The following DMC1 variants were observed in gnomAD, a reference collection of about 807,000 sequenced individuals.
The protein encoded by DMC1 is DNA meiotic recombinase 1.
A neutral mutation model predicts 50.1 loss-of-function variants in DMC1; 27 were observed. That is an observed-to-expected ratio of 0.54 (90% CI 0.40 to 0.74). The LOEUF (loss-of-function observed/expected upper bound fraction) is 0.74. DMC1 is among the 30% of genes least tolerant of loss of function. The pLI is 0.00. For missense variants in DMC1, 295 were observed against 420.2 expected (o/e 0.70, Z 2.60); for synonymous variants, 148 against 136.1 (o/e 1.09, Z -0.61).
At chr22:38,513,680 C>T in the DMC1 span, among the ~76,000 whole-genome samples, 1 of 152,276 alleles carries the variant, frequency 6.6e-6, no homozygotes, top group East Asian at 1.9e-4. Context: ...CCGGTTCAAG[C>T]GATTTTCTTG....
chr22:38,557,058 C>T (rs2090475379), intron 5 of DMC1, among the ~76,000 whole-genome samples: 1 of 152,160 alleles, frequency 6.6e-6, no homozygotes. Context: ...TTCAGGGGTA[C>T]ATGTGCCAGA....
At chr22:38,562,190 A>G in intron 5 of DMC1, 97 bp downstream of exon 5, 1 of 807,474 alleles carries the variant, frequency 1.2e-6, no homozygotes, top group East Asian at 2.5e-5. Flanking sequence ...TGAAGAAGCT[A>G]CTTCTACTAC....
At chr22:38,537,789 T>A in intron 11 of DMC1, 137 bp from the exon 12 acceptor site, 2 of 668,010 alleles carry the variant, frequency 3.0e-6, no homozygotes, top group East Asian at 2.8e-5. Context: ...CTATTTTTCA[T>A]TGACAACAGA....
chr22:38,529,033 G>A (rs1348251037), intron 12 of DMC1, among the ~76,000 whole-genome samples: 3 of 149,892 alleles, frequency 2.0e-5, no homozygotes, highest in Non-Finnish European at 3.0e-5. Flanking sequence ...TTTTTTTGAC[G>A]GAGTTTCGCT....
the DMC1 span, among the ~76,000 whole-genome samples, chr22:38,513,614 G>A: frequency 6.6e-6 from 1 of 151,630 alleles, no homozygotes; most frequent in African/African-American, 2.4e-5. Context: ...TTTCACTCTT[G>A]TTGCCCAGGC....
chr22:38,555,768 G>A (rs903291221), intron 5 of DMC1, among the ~76,000 whole-genome samples: 1 of 151,582 alleles, frequency 6.6e-6, no homozygotes, highest in Non-Finnish European at 1.5e-5. Context: ...GGGTTAGCAA[G>A]GCCTTATGTC....
intron 12 of DMC1, among the ~76,000 whole-genome samples, chr22:38,528,439 A>G (rs1387735138): frequency 6.6e-6 from 1 of 151,974 alleles, no homozygotes; most frequent in Non-Finnish European, 1.5e-5. Flanking sequence ...CATTTGTTCT[A>G]TCCTTACGGC....
the DMC1 span, among the ~76,000 whole-genome samples, chr22:38,510,309 G>T: frequency 6.6e-6 from 1 of 152,036 alleles, no homozygotes; most frequent in African/African-American, 2.4e-5. Flanking sequence ...CAAAAAATTA[G>T]CCAGGTGTGA....
chr22:38,555,398 C>T lies in DMC1; in HGVS notation c.338G>A (p.Gly113Glu), dbSNP rs1384765787. 3.7e-6 allele frequency: 6 copies of T among 1,606,402 alleles called. No homozygotes were observed. The highest frequency in any genetic ancestry group is 5.1e-6 in the Non-Finnish European group (6 of 1,173,460). ...AATTGCCATACTTTCAATTCCACCT[C>T]CTAGTAACTTACTGGAAATAGAAAG... ...TGSQEFDKLLGGGIESMAITE... is the reference protein window; with the variant it reads ...TGSQEFDKLLEGGIESMAITE... The change falls in exon 6 of 14, where the codon GGA becomes GAA. Residue 113 changes from glycine to glutamate, a missense_variant. Transcript: ENST00000216024.
chr22:38,548,841 CA>C lies in DMC1; in HGVS notation c.494+1083del, dbSNP rs72057713. Among the ~76,000 whole-genome samples the C allele has an allele frequency of 9.3e-4, 132 of 142,152 alleles. 1 individual carries two copies. The highest frequency in any genetic ancestry group is 7.3e-3 in the Middle Eastern group (2 of 274). 93.3% of individuals were successfully genotyped at this position (142,152 alleles called of 152,430 possible). A position where few individuals can be genotyped will look rare whatever the true frequency, so the allele number is the denominator to read the frequency against. On this transcript the variant is annotated intron_variant, in intron 8 of 13. Coordinates refer to ENST00000216024, the MANE Select transcript of DMC1 (RefSeq NM_007068.4). ...TGGGTGATGGAGAAAGACACTGTCT[CA>C]AAAAAAAAAAAGTAAAATTAGTACA...
At chr22:38,518,729 G>A (rs1230758498), downstream of DMC1, among the ~76,000 whole-genome samples, 1 of 151,802 alleles carries the variant, frequency 6.6e-6, no homozygotes, top group Non-Finnish European at 1.5e-5. Flanking sequence ...ACGGGGTTTT[G>A]CCATATTGCC....
chr22:38,566,242 C>T (rs1247087045), intron 4 of DMC1, among the ~76,000 whole-genome samples: 1 of 146,444 alleles, frequency 6.8e-6, no homozygotes, highest in Non-Finnish European at 1.5e-5. Flanking sequence ...CCACTGCACT[C>T]TGGCCTGGCG....
rs1479594346 is a variant in DMC1, at chr22:38,521,845, C to G, written c.837-121G>C. 3.9e-6 allele frequency: 3 copies of G among 775,396 alleles called. No individual in the cohort carries two copies. The African/African-American group carries it at 5.1e-5, about 13-fold the overall frequency. The allele number at this position is 775,396 out of a possible 1,614,324, so 48.0% of individuals were successfully genotyped here. On this transcript the variant is annotated intron_variant, in intron 12 of 13. Transcript: ENST00000216024. ...AGTTGGAATAAGTGTATATTCTAAACAAGCAGAGGCTTGTTCATAAACTAA... is the reference window on the plus strand; with the variant it reads ...AGTTGGAATAAGTGTATATTCTAAAGAAGCAGAGGCTTGTTCATAAACTAA...
intron 7 of DMC1, among the ~76,000 whole-genome samples, chr22:38,551,523 T>C (rs1259482193): frequency 1.3e-5 from 2 of 151,666 alleles, no homozygotes; most frequent in Non-Finnish European, 2.9e-5. Context: ...AGAGACAGGG[T>C]TTCACCATGT....
At chr22:38,566,058 C>T (rs1461887174) in intron 4 of DMC1, among the ~76,000 whole-genome samples, 2 of 152,114 alleles carry the variant, frequency 1.3e-5, no homozygotes, top group South Asian at 2.1e-4. Context: ...AGGCAGATCA[C>T]GAGGTCAGGA....
In DMC1 at chr22:38,519,544, C is replaced by T. The variant is rs137891919; in HGVS notation, c.*476G>A. 6.0e-6 allele frequency: 1 copy of T among 166,260 alleles called. No individual in the cohort carries two copies. Among genetic ancestry groups the T allele is most frequent in the Non-Finnish European group, 1.3e-5 (1 of 75,624 alleles). The allele number at this position is 166,260 out of a possible 1,614,324, so 10.3% of individuals were successfully genotyped here. A position where few individuals can be genotyped will look rare whatever the true frequency, so the allele number is the denominator to read the frequency against. ...TCCCTTAAATCCTCTTGTGGAAAAA[C>T]ATCTAGCTATGTAAGTCAGTGGCAC... On this transcript the variant is annotated 3_prime_UTR_variant, in exon 14 of 14. Transcript: ENST00000216024.
chr22:38,538,694 C>T (rs1316868554), intron 9 of DMC1, 82 bp from the exon 10 acceptor site: 1 of 1,203,656 alleles, frequency 8.3e-7, no homozygotes, highest in Non-Finnish European at 1.2e-6. Context: ...GGGAGCCAGG[C>T]AAAATAAATT....
At chr22:38,555,438 A>G (rs2090459639) in intron 5 of DMC1, 29 bp from the exon 6 acceptor site, 2 of 1,402,760 alleles carry the variant, frequency 1.4e-6, no homozygotes, top group Non-Finnish European at 2.0e-6. Context: ...CATTAGTAAC[A>G]GGAATAGAAA....
At position 38,552,720 on chromosome 22, in the gene DMC1, G is replaced by A. The variant is rs2090425713; in HGVS notation, c.380-13C>T. 2 of 1,557,472 alleles carry A rather than the reference G, an allele frequency of 1.3e-6. No homozygotes were observed. Among genetic ancestry groups the A allele is most frequent in the Admixed American group, 1.7e-5 (1 of 59,662 alleles). On this transcript the variant is annotated splice_polypyrimidine_tract_variant and intron_variant, in intron 6 of 13. Transcript: ENST00000216024. Reference sequence around the variant, plus strand: ...CCAGTACGAAATTCTGTGAAATACAGAAAAAAATGATTTTAAAAATGCATA... The same window carrying A: ...CCAGTACGAAATTCTGTGAAATACAAAAAAAAATGATTTTAAAAATGCATA...
Sources: allele counts gnomAD v4.1 joint callset (sites outside exome capture counted in the v4.1 genomes callset), GRCh38; gene constraint gnomAD v4.1.1; transcripts MANE v1.5; gene names NCBI Gene and HGNC (gene_info 2026-07-23, HGNC 2026-07-21).